Variants in MTA1 observed in about 807,000 individuals in gnomAD.
MTA1 encodes the protein metastasis associated 1, also known as metastasis-associated protein MTA1.
A neutral mutation model predicts 97.0 loss-of-function variants in MTA1; 15 were observed. The ratio of observed to expected loss-of-function variants is 0.15; its 90% CI spans 0.10 to 0.24. MTA1 has a LOEUF of 0.24. MTA1 is among the 10% of genes least tolerant of loss of function. The pLI, the probability that MTA1 is intolerant of heterozygous loss-of-function variation, is 1.00. For missense variants in MTA1, 709 were observed against 1,015.1 expected (o/e 0.70, Z 4.10); for synonymous variants, 435 against 417.5 (o/e 1.04, Z -0.51).
At position 105,470,308 on chromosome 14, in the gene MTA1, G is replaced by A. The variant is rs2083788622; in HGVS notation, c.*93G>A. 3.5e-6 allele frequency: 4 copies of A among 1,129,350 alleles called. No individual in the cohort carries two copies. The highest frequency in any genetic ancestry group is 3.2e-4 in the Middle Eastern group (1 of 3,106). 70.0% of individuals were successfully genotyped at this position (1,129,350 alleles called of 1,614,324 possible). On this transcript the variant is annotated 3_prime_UTR_variant, in exon 21 of 21. Transcript: ENST00000331320. ...GCCGCCCGCCCCTCAGTTTGGTAGT[G>A]CCCCACCTCCCGCCCTCACCTGCAG...
At chr14:105,464,008 TC>T (rs1247126835) in intron 12 of MTA1, 23 bp from the exon 13 acceptor site, 2 of 1,610,866 alleles carry the variant, frequency 1.2e-6, no homozygotes, top group African/African-American at 2.7e-5. Flanking sequence ...GCAACTCCTC[TC>T]GTCTCTCCTT....
At chr14:105,433,327 A>G (rs2082235841) in intron 1 of MTA1, among the ~76,000 whole-genome samples, 1 of 152,078 alleles carries the variant, frequency 6.6e-6, no homozygotes, top group South Asian at 2.1e-4. Flanking sequence ...CTGGCTGAGC[A>G]CCGGTGTGGC....
At chr14:105,429,817 T>C (rs1355050045) in intron 1 of MTA1, among the ~76,000 whole-genome samples, 1 of 121,518 alleles carries the variant, frequency 8.2e-6, no homozygotes, top group Non-Finnish European at 1.6e-5. Context: ...AGTGCAGTGG[T>C]GCGATCTTGG....
chr14:105,442,782 T>C (rs111916062), intron 2 of MTA1, among the ~76,000 whole-genome samples: 2,542 of 145,056 alleles, frequency 0.018, 298 homozygotes, highest in African/African-American at 0.071. Context: ...GAGTCCGCTG[T>C]GTGCAGGAAC....
chr14:105,459,248 C>G (rs61300299), intron 8 of MTA1, among the ~76,000 whole-genome samples: 1 of 1,134 alleles, frequency 8.8e-4, no homozygotes, highest in African/African-American at 9.7e-4. Flanking sequence ...TGCCTGGGGG[C>G]AGTCCGTGCT....
At chr14:105,450,437 C>T in intron 6 of MTA1, 113 bp downstream of exon 6, 2 of 1,218,620 alleles carry the variant, frequency 1.6e-6, no homozygotes, top group Non-Finnish European at 2.3e-6. Flanking sequence ...TCCCTCTAGG[C>T]CCAGGCTGTT....
Position 105,420,656 on chromosome 14 carries a change from T to G in MTA1, c.28+593T>G, listed in dbSNP as rs2081801930. Among the ~76,000 whole-genome samples the G allele has an allele frequency of 6.6e-6, 1 of 152,198 alleles. No individual in the cohort carries two copies. Among genetic ancestry groups the G allele is most frequent in the Admixed American group, 6.5e-5 (1 of 15,282 alleles). On this transcript the variant is annotated intron_variant, in intron 1 of 20. Coordinates refer to ENST00000331320, the MANE Select transcript of MTA1 (RefSeq NM_004689.4). The surrounding 1 kb of genome is among the most constrained non-coding windows in gnomAD (Gnocchi z 5.3). Reference sequence around the variant, plus strand: ...CTCTAAGTCCCCCCAAACTTTTCCCTGCCTCTCGCTCACCTCAGCCCATTC... The same window carrying G: ...CTCTAAGTCCCCCCAAACTTTTCCCGGCCTCTCGCTCACCTCAGCCCATTC...
intron 3 of MTA1, among the ~76,000 whole-genome samples, chr14:105,447,619 C>A (rs1555427502): frequency 6.6e-6 from 1 of 152,132 alleles, no homozygotes; most frequent in African/African-American, 2.4e-5. Context: ...CTGGCCCCCC[C>A]AGGTACACAG....
In MTA1 at chr14:105,469,933, GCGGATGAACTGGATCGACGCCC is replaced by G; in HGVS notation, c.1946_1967del (p.Asn649ThrfsTer91). 6.2e-7 allele frequency: 1 copy of G among 1,612,344 alleles called. No individual in the cohort carries two copies. Among genetic ancestry groups the G allele is most frequent in the Non-Finnish European group, 8.5e-7 (1 of 1,179,756 alleles). ...GCTCCCTGCCCCCAGTCAAGCGGCG[GCGGATGAACTGGATCGACGCCC>G]CGGATGACGTGTTCTACATGGCCAC... is the stretch of plus-strand genomic sequence containing the variant. On this transcript the variant is annotated frameshift_variant, in exon 20 of 21. Transcript: ENST00000331320. LOFTEE classifies it high-confidence loss of function.
chr14:105,443,568 T>G (rs2082615405), intron 2 of MTA1, among the ~76,000 whole-genome samples: 1 of 151,802 alleles, frequency 6.6e-6, no homozygotes, highest in African/African-American at 2.4e-5. Flanking sequence ...AGAGATGAGG[T>G]TTCACCATGT....
At chr14:105,446,721 C>T (rs1555427259) in intron 3 of MTA1, among the ~76,000 whole-genome samples, 1 of 152,248 alleles carries the variant, frequency 6.6e-6, no homozygotes, top group Non-Finnish European at 1.5e-5. Context: ...GGGACCTTTC[C>T]TCAGCAACCA....
intron 6 of MTA1, among the ~76,000 whole-genome samples, chr14:105,453,206 C>T (rs1177945516): frequency 4.6e-5 from 7 of 152,276 alleles, no homozygotes; most frequent in Admixed American, 3.9e-4. Flanking sequence ...GCGCCTGCTG[C>T]GCGGGTGGCG....
chr14:105,463,382 C>T lies in MTA1; in HGVS notation c.1018-111C>T. 1.3e-6 allele frequency: 2 copies of T among 1,491,838 alleles called. No individual in the cohort carries two copies. The highest frequency in any genetic ancestry group is 1.9e-6 in the Non-Finnish European group (2 of 1,073,658). 92.4% of individuals were successfully genotyped at this position (1,491,838 alleles called of 1,614,324 possible). On this transcript the variant is annotated intron_variant, in intron 11 of 20. Transcript: ENST00000331320. The surrounding 1 kb of genome is among the most constrained non-coding windows in gnomAD (Gnocchi z 5.9). ...GGAAGGAAGACTCCTGAGTCCCTGG[C>T]CCGGCTGTCCTCTCCGTGGTGCTCT...
intron 1 of MTA1, among the ~76,000 whole-genome samples, chr14:105,435,706 G>A (rs1182924957): frequency 6.6e-6 from 1 of 152,194 alleles, no homozygotes; most frequent in Admixed American, 6.5e-5. Context: ...CAGAGTTCTT[G>A]TTGTTGTATT....
At position 105,462,173 on chromosome 14, in the gene MTA1, C is replaced by T. The variant is rs587746663; in HGVS notation, c.943-1011C>T. ...GTGCGGGGATGGGAGGCTGCAGCTTCGGGGCTGTGTCGAGGGAGCAGGCCC... is the reference window on the plus strand; with the variant it reads ...GTGCGGGGATGGGAGGCTGCAGCTTTGGGGCTGTGTCGAGGGAGCAGGCCC... On this transcript the variant is annotated intron_variant, in intron 10 of 20. Coordinates refer to ENST00000331320, the MANE Select transcript of MTA1 (RefSeq NM_004689.4). Among the ~76,000 whole-genome samples, 15 of 152,376 alleles carry T rather than the reference C, an allele frequency of 9.8e-5. No individual in the cohort carries two copies. The South Asian group carries it at 1.2e-3, about 13-fold the overall frequency.
At position 105,463,931 on chromosome 14, in the gene MTA1, G is replaced by A; in HGVS notation, c.1077-101G>A. 3.6e-6 allele frequency: 4 copies of A among 1,122,596 alleles called. No homozygotes were observed. The South Asian group carries it at 5.0e-5, about 14-fold the overall frequency. The allele number at this position is 1,122,596 out of a possible 1,614,324, so 69.5% of individuals were successfully genotyped here. A position where few individuals can be genotyped will look rare whatever the true frequency, so the allele number is the denominator to read the frequency against. On this transcript the variant is annotated intron_variant, in intron 12 of 20. Coordinates refer to ENST00000331320, the MANE Select transcript of MTA1 (RefSeq NM_004689.4). This position sits in a 1 kb window ranked among gnomAD's most constrained non-coding sequence, Gnocchi z 5.9. Reference sequence around the variant, plus strand: ...CGAGGCCGAGGGGTGCGAGGACGTGGTTCTGGACAAGGGGTGGTCAGCCGC... The same window carrying A: ...CGAGGCCGAGGGGTGCGAGGACGTGATTCTGGACAAGGGGTGGTCAGCCGC...
chr14:105,421,757 A>G (rs1390794563), intron 1 of MTA1, among the ~76,000 whole-genome samples: 1 of 152,254 alleles, frequency 6.6e-6, no homozygotes, highest in East Asian at 1.9e-4. Context: ...GAAAGCCAGG[A>G]CCCTGCCTTG....
intron 8 of MTA1, 22 bp downstream of exon 8, chr14:105,458,394 G>A: frequency 6.2e-7 from 1 of 1,602,684 alleles, no homozygotes. Context: ...TCCTGGGCAA[G>A]GCCAGCAGGG....
chr14:105,436,093 AC>A (rs2082316419), intron 1 of MTA1, among the ~76,000 whole-genome samples: 1 of 152,054 alleles, frequency 6.6e-6, no homozygotes, highest in Admixed American at 6.6e-5. Context: ...ACATGGTGAA[AC>A]CCCGTCTCTA....
Sources: allele counts gnomAD v4.1 joint callset (sites outside exome capture counted in the v4.1 genomes callset), GRCh38; gene constraint gnomAD v4.1.1; non-coding constraint Gnocchi (gnomAD v3.1); transcripts MANE v1.5; gene names NCBI Gene and HGNC (gene_info 2026-07-23, HGNC 2026-07-21).